PRKN: variants seen among roughly 807,000 people sequenced by gnomAD.
PRKN encodes the protein E3 ubiquitin-protein ligase parkin.
A neutral mutation model predicts 59.5 loss-of-function variants in PRKN; 56 were observed. The observed-to-expected ratio is 0.94, with a 90% CI of 0.76 to 1.18. The LOEUF is 1.18. Among genes scored for constraint, PRKN ranks in the 50% most tolerant of loss-of-function variants. The pLI is 0.00. For missense variants in PRKN, 657 were observed against 596.4 expected (o/e 1.10, Z -1.06); for synonymous variants, 250 against 222.1 (o/e 1.13, Z -1.12).
chr6:161,585,675 T>A (rs919122801), intron 7 of PRKN, among the ~76,000 whole-genome samples: 1 of 152,210 alleles, frequency 6.6e-6, no homozygotes, highest in Admixed American at 6.5e-5. Context: ...AAAGGGATGA[T>A]GAGTTTCAGG....
intron 4 of PRKN, among the ~76,000 whole-genome samples, chr6:162,087,226 C>T (rs1035112907): frequency 2.0e-5 from 3 of 152,136 alleles, no homozygotes; most frequent in Non-Finnish European, 4.4e-5. Context: ...TCTCTCATTC[C>T]ATGATATTAG....
intron 10 of PRKN, among the ~76,000 whole-genome samples, chr6:161,374,182 G>C (rs1036612062): frequency 6.6e-5 from 10 of 152,072 alleles, no homozygotes; most frequent in Non-Finnish European, 1.3e-4. Flanking sequence ...TGTGAGTGGC[G>C]AGTGTGTGCA....
In PRKN at chr6:162,529,022, C is replaced by T. The variant is rs148740652; in HGVS notation, c.8-85549G>A. ...CCTCCCAAGAAGCTGGACTGTCATG[C>T]ACCATCACACCGAGCTAATTTTTGT... On this transcript the variant is annotated intron_variant, in intron 1 of 11. Coordinates refer to ENST00000366898, the MANE Select transcript of PRKN (RefSeq NM_004562.3). 1.6e-3 allele frequency among the ~76,000 whole-genome samples: 248 copies of T among 152,180 alleles called. 3 individuals carry two copies. The highest frequency in any genetic ancestry group is 5.5e-3 in the African/African-American group (227 of 41,536).
chr6:162,611,778 A>C (rs1046424163), intron 1 of PRKN, among the ~76,000 whole-genome samples: 5 of 152,218 alleles, frequency 3.3e-5, no homozygotes, highest in African/African-American at 1.2e-4. Flanking sequence ...CAGTAGACTC[A>C]AGGTAAATGT....
rs181424673 is a variant in PRKN, at chr6:161,517,724, A to G, written c.1083+31130T>C. Among the ~76,000 whole-genome samples the G allele has an allele frequency of 7.8e-4, 95 of 121,710 alleles. 2 individuals carry two copies. The East Asian group carries it at 0.023, about 29-fold the overall frequency. 79.8% of individuals were successfully genotyped at this position (121,710 alleles called of 152,430 possible). On this transcript the variant is annotated intron_variant, in intron 9 of 11. Coordinates refer to ENST00000366898, the MANE Select transcript of PRKN (RefSeq NM_004562.3). The stretch of plus-strand genomic sequence containing the variant: ...CACTGCACTCCAGCCTGGGTGACAG[A>G]GTGAGACTCTATCTCAAAAAAAAAA...
intron 7 of PRKN, among the ~76,000 whole-genome samples, chr6:161,747,112 C>A (rs920227123): frequency 2.0e-5 from 3 of 152,096 alleles, no homozygotes; most frequent in Non-Finnish European, 4.4e-5. Flanking sequence ...CTTGTTGAGT[C>A]AACGGGCATT....
At chr6:162,727,372 C>A (rs962243986) in intron 1 of PRKN, 24 of 429,090 alleles carry the variant, frequency 5.6e-5, no homozygotes, top group African/African-American at 4.5e-4. Flanking sequence ...CGGGGGACCG[C>A]GAACGAGGAG....
intron 1 of PRKN, among the ~76,000 whole-genome samples, chr6:162,464,713 C>T (rs528130411): frequency 1.3e-5 from 2 of 150,726 alleles, no homozygotes; most frequent in South Asian, 2.1e-4. Context: ...CCTGTAGTCC[C>T]AGCTATTCAG....
At chr6:161,478,571 G>T (rs926293275) in intron 9 of PRKN, among the ~76,000 whole-genome samples, 4 of 152,216 alleles carry the variant, frequency 2.6e-5, no homozygotes, top group African/African-American at 9.6e-5. Context: ...CCAGCCAGGT[G>T]CAGTGGCTCA....
Position 161,377,413 on chromosome 6 carries a change from G to A in PRKN, c.1167+9381C>T, listed in dbSNP as rs543824097. The stretch of plus-strand genomic sequence containing the variant: ...CCATGGCCCCACGGTGGTAGTGGCC[G>A]GGCTGGGGAGATTCCTTATGACACA... On this transcript the variant is annotated intron_variant, in intron 10 of 11. Coordinates refer to ENST00000366898, the MANE Select transcript of PRKN (RefSeq NM_004562.3). This position sits in a 1 kb window ranked among gnomAD's most constrained non-coding sequence, Gnocchi z 4.2. 2.8e-4 allele frequency among the ~76,000 whole-genome samples: 42 copies of A among 152,340 alleles called. No individual in the cohort carries two copies. The highest frequency in any genetic ancestry group is 5.0e-4 in the Non-Finnish European group (34 of 68,026).
rs187195443 is a variant in PRKN at position 161,573,982 on chromosome 6, T to C, written c.872-4566A>G. ...TCTCCTAAGATACAAGTGAAAGGAC[T>C]GATGTTGATGATAGCTCGTATATAA... On this transcript the variant is annotated intron_variant, in intron 7 of 11. Transcript: ENST00000366898. Among the ~76,000 whole-genome samples, 380 of 151,806 alleles carry C rather than the reference T, an allele frequency of 2.5e-3. 1 individual carries two copies. The highest frequency in any genetic ancestry group is 8.4e-3 in the African/African-American group (348 of 41,402).
intron 1 of PRKN, among the ~76,000 whole-genome samples, chr6:162,483,854 T>C (rs893863589): frequency 1.3e-5 from 2 of 152,196 alleles, no homozygotes; most frequent in Non-Finnish European, 2.9e-5. Flanking sequence ...TTATAACAGC[T>C]AAAGCTGAAA....
At chr6:161,978,088 T>A (rs1195054095) in intron 5 of PRKN, among the ~76,000 whole-genome samples, 1 of 151,750 alleles carries the variant, frequency 6.6e-6, no homozygotes, top group Non-Finnish European at 1.5e-5. Context: ...TTGCTCTTTT[T>A]GCCCAAGTTG....
intron 1 of PRKN, among the ~76,000 whole-genome samples, chr6:162,631,992 A>C (rs1233969567): frequency 6.6e-6 from 1 of 151,656 alleles, no homozygotes; most frequent in African/African-American, 2.4e-5. Context: ...AAGTAAAAAA[A>C]AAAAAAAAAG....
intron 4 of PRKN, among the ~76,000 whole-genome samples, chr6:162,150,643 C>G (rs1366332460): frequency 6.6e-6 from 1 of 152,132 alleles, no homozygotes; most frequent in Non-Finnish European, 1.5e-5. Flanking sequence ...GCTCATTAAC[C>G]TCTAAATCAT....
At chr6:162,257,081 A>G (rs2128098358) in intron 3 of PRKN, among the ~76,000 whole-genome samples, 1 of 152,308 alleles carries the variant, frequency 6.6e-6, no homozygotes, top group Non-Finnish European at 1.5e-5. Context: ...CTGCCCCGGC[A>G]TGGTATTCCT....
intron 1 of PRKN, among the ~76,000 whole-genome samples, chr6:162,692,463 T>C (rs1383023272): frequency 6.6e-6 from 1 of 152,122 alleles, no homozygotes; most frequent in Non-Finnish European, 1.5e-5. Context: ...CCCGTTCTAG[T>C]TCACCCAGGG....
In PRKN at chr6:161,396,949, G is replaced by T. The variant is rs763300682; in HGVS notation, c.1084-10072C>A. Among the ~76,000 whole-genome samples the T allele has an allele frequency of 6.6e-6, 1 of 152,152 alleles. No homozygotes were observed. Among genetic ancestry groups the T allele is most frequent in the Non-Finnish European group, 1.5e-5 (1 of 68,040 alleles). On this transcript the variant is annotated intron_variant, in intron 9 of 11. Transcript: ENST00000366898. The surrounding 1 kb of genome is among the most constrained non-coding windows in gnomAD (Gnocchi z 5.4). ...TCCTCAATGATCAATCAATCAATCA[G>T]TCAAAATGATACATTAACCCTTTAT...
intron 1 of PRKN, among the ~76,000 whole-genome samples, chr6:162,558,623 C>A (rs919431282): frequency 3.3e-5 from 5 of 151,954 alleles, no homozygotes; most frequent in South Asian, 2.1e-4. Flanking sequence ...GCCACTGTGC[C>A]CAGCAATTTT....
Sources: allele counts gnomAD v4.1 joint callset (sites outside exome capture counted in the v4.1 genomes callset), GRCh38; gene constraint gnomAD v4.1.1; non-coding constraint Gnocchi (gnomAD v3.1); transcripts MANE v1.5; gene names NCBI Gene and HGNC (gene_info 2026-07-23, HGNC 2026-07-21).